The following IGSF10 variants were observed in gnomAD, a reference collection of about 807,000 sequenced individuals.
IGSF10 encodes calvaria mechanical force protein 608.
In IGSF10, 126 loss-of-function variants were observed where a neutral mutation model predicts 128.2. That is an observed-to-expected ratio of 0.98 (90% confidence interval 0.85 to 1.14). The LOEUF (loss-of-function observed/expected upper bound fraction) is 1.14. Ranked by LOEUF, IGSF10 falls within the 50% of genes most tolerant of loss-of-function variation. The pLI is 0.00. For missense variants in IGSF10, 3,295 were observed against 3,149.8 expected, an observed-to-expected ratio of 1.05 and a Z score of -1.10; for synonymous variants, 1,185 against 1,146.2, an observed-to-expected ratio of 1.03 and a Z score of -0.68.
At chr3:151,531,441 C>T in the IGSF10 span, among the ~76,000 whole-genome samples, 1 of 152,150 alleles carries the variant, frequency 6.6e-6, no homozygotes, top group Non-Finnish European at 1.5e-5. Context: ...GGAAGTAAAA[C>T]ACTCCTCAGC....
chr3:151,461,858 A>C (rs1722073432), upstream of IGSF10, among the ~76,000 whole-genome samples: 1 of 152,160 alleles, frequency 6.6e-6, no homozygotes, highest in Admixed American at 6.5e-5. Context: ...GGCTTATTTC[A>C]CTTGGCATAA....
the IGSF10 span, among the ~76,000 whole-genome samples, chr3:151,490,404 TAGAC>T: frequency 6.6e-6 from 1 of 152,036 alleles, no homozygotes; most frequent in African/African-American, 2.4e-5. Context: ...AAGGGAGACA[TAGAC>T]AGCAATACGA....
At chr3:151,461,648 AATTTT>A (rs1362101620), upstream of IGSF10, among the ~76,000 whole-genome samples, 8 of 152,282 alleles carry the variant, frequency 5.3e-5, no homozygotes, top group East Asian at 1.5e-3. Context: ...AATACCATAC[AATTTT>A]ATTAACTATA....
chr3:151,595,935 T>G, the IGSF10 span, among the ~76,000 whole-genome samples: 1 of 152,108 alleles, frequency 6.6e-6, no homozygotes, highest in Admixed American at 6.6e-5. Flanking sequence ...TATTAGAAAT[T>G]TACTGAGAGT....
At chr3:151,435,018 G>A (rs372648866), downstream of IGSF10, 6 of 147,734 alleles carry the variant, frequency 4.1e-5, no homozygotes, top group South Asian at 2.1e-4. Context: ...AATTACTTTA[G>A]TCTTCAGATT....
At chr3:151,474,589 T>A in the IGSF10 span, among the ~76,000 whole-genome samples, 1 of 152,214 alleles carries the variant, frequency 6.6e-6, no homozygotes, top group African/African-American at 2.4e-5. Context: ...CTAGGACCAA[T>A]TAGACCCTAA....
At chr3:151,594,491 G>T in the IGSF10 span, among the ~76,000 whole-genome samples, 1 of 151,644 alleles carries the variant, frequency 6.6e-6, no homozygotes, top group Non-Finnish European at 1.5e-5. Flanking sequence ...CCGCCACCAC[G>T]CCCAGCTAAT....
intron 6 of IGSF10, 24 bp downstream of exon 6, chr3:151,444,895 G>A (rs757201068): frequency 1.3e-6 from 2 of 1,538,572 alleles, no homozygotes; most frequent in African/African-American, 1.4e-5. Flanking sequence ...CAAAAACTAA[G>A]TGTAAAGAAA....
chr3:151,474,129 TAC>T, the IGSF10 span, among the ~76,000 whole-genome samples: 1 of 152,104 alleles, frequency 6.6e-6, no homozygotes, highest in Non-Finnish European at 1.5e-5. Flanking sequence ...GATGACAACA[TAC>T]ACATTCAAAA....
the IGSF10 span, among the ~76,000 whole-genome samples, chr3:151,581,476 C>A: frequency 6.6e-6 from 1 of 151,980 alleles, no homozygotes; most frequent in South Asian, 2.1e-4. Context: ...TGTTTGGTAC[C>A]TCAAACAAAA....
Position 151,438,404 on chromosome 3 carries a change from C to G in IGSF10, c.6157G>C (p.Gly2053Arg). The G allele has an allele frequency of 6.2e-7, 1 of 1,614,152 alleles. No homozygotes were observed. The highest frequency in any genetic ancestry group is 8.5e-7 in the Non-Finnish European group (1 of 1,180,018). Residue 2053 changes from glycine to arginine, a missense_variant, in exon 8 of 8, where the codon GGG (glycine) becomes CGG (arginine). Coordinates refer to ENST00000282466, the MANE Select transcript of IGSF10 (RefSeq NM_178822.5). ...TTGCAATCTACTTGGAAATCTTTCC[C>G]ATGGAGCACTTGCTTTCTAAAATAC... Reference protein sequence around the residue: ...KQYFRKQVLHGKDFQVDCKAS... With the variant: ...KQYFRKQVLHRKDFQVDCKAS...
the IGSF10 span, among the ~76,000 whole-genome samples, chr3:151,504,227 C>T: frequency 2.6e-5 from 4 of 152,190 alleles, no homozygotes; most frequent in East Asian, 1.9e-4. Flanking sequence ...GAAAGAACAA[C>T]GGCAGTTTGG....
At chr3:151,533,087 C>T in the IGSF10 span, among the ~76,000 whole-genome samples, 3 of 152,072 alleles carry the variant, frequency 2.0e-5, no homozygotes, top group Non-Finnish European at 4.4e-5. Flanking sequence ...AATAAAATAC[C>T]TAGGAATAAA....
At chr3:151,604,561 A>G in the IGSF10 span, among the ~76,000 whole-genome samples, 3 of 151,110 alleles carry the variant, frequency 2.0e-5, no homozygotes, top group Non-Finnish European at 4.4e-5. Context: ...TGGGAGATAT[A>G]TTAGGATTAT....
the IGSF10 span, among the ~76,000 whole-genome samples, chr3:151,510,140 C>A: frequency 6.6e-6 from 1 of 152,232 alleles, no homozygotes; most frequent in South Asian, 2.1e-4. Context: ...GTTCTCCCAG[C>A]ATGCAGCTGG....
intron 4 of IGSF10, among the ~76,000 whole-genome samples, chr3:151,456,633 G>A (rs1721809771): frequency 6.6e-6 from 1 of 152,084 alleles, no homozygotes; most frequent in Non-Finnish European, 1.5e-5. Flanking sequence ...ACATGAATAA[G>A]TAAATAAAAT....
At chr3:151,480,953 TC>T in the IGSF10 span, among the ~76,000 whole-genome samples, 1 of 152,036 alleles carries the variant, frequency 6.6e-6, no homozygotes, top group Non-Finnish European at 1.5e-5. Context: ...TAGTACCCTG[TC>T]CCCCAGGGAC....
At chr3:151,562,520 CG>C in the IGSF10 span, among the ~76,000 whole-genome samples, 2 of 152,034 alleles carry the variant, frequency 1.3e-5, no homozygotes, top group African/African-American at 4.8e-5. Flanking sequence ...GACCCCTTTC[CG>C]GTAACAGTTT....
the IGSF10 span, among the ~76,000 whole-genome samples, chr3:151,493,014 C>T: frequency 6.6e-6 from 1 of 151,940 alleles, no homozygotes; most frequent in Non-Finnish European, 1.5e-5. Context: ...CTGCCACTTG[C>T]CACAATATGA....
Sources: gnomAD v4.1 joint callset for allele counts (sites outside exome capture counted in the v4.1 genomes callset) on GRCh38, gnomAD v4.1.1 for gene constraint, MANE v1.5 for transcripts, NCBI Gene and HGNC (gene_info 2026-07-23, HGNC 2026-07-21) for gene names.